Variants in ITPRID2 observed in about 807,000 individuals in gnomAD.
ITPRID2 encodes the protein ITPR interacting domain containing 2, also known as protein ITPRID2.
Under a neutral mutation model 124.3 loss-of-function variants are expected in ITPRID2, and 60 were observed. That is an observed-to-expected ratio of 0.48 (90% CI 0.39 to 0.60). The LOEUF (loss-of-function observed/expected upper bound fraction) is 0.60. ITPRID2 is among the 20% of genes least tolerant of loss of function. ITPRID2 has a pLI of 0.00. For synonymous variants in ITPRID2, 521 were observed against 542.9 expected (o/e 0.96, Z 0.56); for missense variants, 1,553 against 1,512.2 (o/e 1.03, Z -0.45).
At chr2:181,928,041 G>A (rs1694991658) in intron 16 of ITPRID2, 120 bp from the exon 17 acceptor site, 1 of 649,590 alleles carries the variant, frequency 1.5e-6, no homozygotes, top group Non-Finnish European at 2.7e-6. Context: ...TGTATTGCAG[G>A]GAGATTCACA....
rs1693507909 is a variant in ITPRID2, at chr2:181,910,405, CAATAG to C, written c.1486+435_1486+439del. On this transcript the variant is annotated intron_variant, in intron 9 of 17. Coordinates refer to ENST00000431877, the MANE Select transcript of ITPRID2 (RefSeq NM_001130445.3). The surrounding 1 kb of genome is among the most constrained non-coding windows in gnomAD (Gnocchi z 4.1). The stretch of plus-strand genomic sequence containing the variant: ...CTAGCAAAACCCACCAATTTTTTAG[CAATAG>C]TTAAAGCTAGTTAAATTCAAACTAT... The C allele has an allele frequency of 2.0e-6, 1 of 511,286 alleles. No homozygotes were observed. Among genetic ancestry groups the C allele is most frequent in the Non-Finnish European group, 3.5e-6 (1 of 286,502 alleles). 31.7% of individuals were successfully genotyped at this position (511,286 alleles called of 1,614,324 possible).
At chr2:181,917,036 G>T (rs1282701268) in intron 11 of ITPRID2, 4 of 980,050 alleles carry the variant, frequency 4.1e-6, no homozygotes, top group African/African-American at 3.5e-5. Context: ...AAAATGCTCT[G>T]TATGTCTTGT....
chr2:181,921,403 G>A (rs1282130095), intron 15 of ITPRID2, among the ~76,000 whole-genome samples: 14 of 150,988 alleles, frequency 9.3e-5, no homozygotes, highest in Admixed American at 6.6e-5. Context: ...GCTTGAACCC[G>A]GGAGGCGGAG....
Position 181,929,733 on chromosome 2 carries a change from G to A in ITPRID2, c.*186G>A. ...TAAAAAGACGTACATAGAAACTTAG[G>A]CACTTTGCTATTTCTTTTCTAAACT... On this transcript the variant is annotated 3_prime_UTR_variant, in exon 18 of 18. Transcript: ENST00000431877. The A allele has an allele frequency of 1.0e-6, 1 of 962,866 alleles. No individual in the cohort carries two copies. Among genetic ancestry groups the A allele is most frequent in the Non-Finnish European group, 1.5e-6 (1 of 668,864 alleles). The allele number at this position is 962,866 out of a possible 1,614,324, so 59.6% of individuals were successfully genotyped here.
rs946908299 is a variant in ITPRID2, at chr2:181,891,859, A to C, written c.-208A>C. ...CTCCCGCGCGCGCCCGGCCGCCTTC[A>C]TGTGAAGCGCCGGCCCTCCGCCCCT... On this transcript the variant is annotated 5_prime_UTR_variant, in exon 1 of 18. It removes an upstream start codon present in the reference 5' UTR. Coordinates refer to ENST00000431877, the MANE Select transcript of ITPRID2 (RefSeq NM_001130445.3). The C allele has an allele frequency of 1.4e-3, 484 of 334,736 alleles. 11 individuals carry two copies. The highest frequency in any genetic ancestry group is 0.012 in the South Asian group (440 of 37,672). The allele number at this position is 334,736 out of a possible 1,614,324, so 20.7% of individuals were successfully genotyped here.
At chr2:181,906,817 G>A (rs1364938358) in intron 8 of ITPRID2, among the ~76,000 whole-genome samples, 2 of 152,142 alleles carry the variant, frequency 1.3e-5, no homozygotes, top group Non-Finnish European at 1.5e-5. Context: ...TAAGTGGCAT[G>A]AATAAGACTT....
chr2:181,901,125 G>T (rs1692632074), intron 7 of ITPRID2, among the ~76,000 whole-genome samples: 1 of 152,052 alleles, frequency 6.6e-6, no homozygotes, highest in African/African-American at 2.4e-5. Context: ...CCTGACTTAA[G>T]TGCTACCATA....
chr2:181,893,781 A>G (rs556330685), intron 2 of ITPRID2: 2 of 152,334 alleles, frequency 1.3e-5, no homozygotes, highest in South Asian at 4.1e-4. Context: ...TAAGCCTTAG[A>G]TATTAGATAC....
At chr2:181,914,678 G>C (rs974601189) in intron 10 of ITPRID2, among the ~76,000 whole-genome samples, 1 of 152,134 alleles carries the variant, frequency 6.6e-6, no homozygotes, top group Non-Finnish European at 1.5e-5. Context: ...GGGTCTTTTT[G>C]TCCTTTTATA....
In ITPRID2 at chr2:181,896,128, T is replaced by A. The variant is rs910434593; in HGVS notation, c.307+49T>A. ...ATCTGTTCTTTATGACAGTTCTACT[T>A]CTTTGTCCTCTGGGTAAAAGTGTAT... On this transcript the variant is annotated intron_variant, in intron 3 of 17. Transcript: ENST00000431877. The surrounding 1 kb of genome is among the most constrained non-coding windows in gnomAD (Gnocchi z 4.3). 4 of 1,480,524 alleles carry A rather than the reference T, an allele frequency of 2.7e-6. No individual in the cohort carries two copies. Among genetic ancestry groups the A allele is most frequent in the Non-Finnish European group, 2.8e-6 (3 of 1,059,434 alleles). The allele number at this position is 1,480,524 out of a possible 1,614,324, so 91.7% of individuals were successfully genotyped here. A position where few individuals can be genotyped will look rare whatever the true frequency, so the allele number is the denominator to read the frequency against.
chr2:181,920,130 T>G (rs1313927089), intron 14 of ITPRID2, among the ~76,000 whole-genome samples: 1 of 152,196 alleles, frequency 6.6e-6, no homozygotes, highest in East Asian at 1.9e-4. Context: ...AGTGAATTAT[T>G]CTTTGTTACC....
Position 181,922,303 on chromosome 2 carries a change from G to A in ITPRID2, c.3566G>A (p.Gly1189Glu). The change falls in exon 16 of 18, where the codon GGA becomes GAA. Residue 1189 changes from glycine to glutamate, a missense_variant. Physicochemically the swap from Gly to Glu is moderately conservative, Grantham distance 98. Coordinates refer to ENST00000431877, the MANE Select transcript of ITPRID2 (RefSeq NM_001130445.3). ...DAAEGAPEVVGPKSEVEEGHG... is the reference protein window; with the variant it reads ...DAAEGAPEVVEPKSEVEEGHG... ...GCTGAAGGAGCCCCAGAAGTTGTAG[G>A]ACCTAAATCTGAAGTGGAAGAAGGG... 1 of 1,614,190 alleles carries A rather than the reference G, an allele frequency of 6.2e-7. No individual in the cohort carries two copies. The highest frequency in any genetic ancestry group is 1.3e-5 in the African/African-American group (1 of 75,030).
chr2:181,892,616 A>G lies in ITPRID2; in HGVS notation c.213A>G (p.Gly71=). ...GAQLPAAGGR[G]NVPNEKIAIW... Reference sequence around the variant, plus strand: ...GCTGTCCCCTCTCTCTACCCCCAGGAAACGTGCCCAACGAGAAGATCGCGA... The same window carrying G: ...GCTGTCCCCTCTCTCTACCCCCAGGGAACGTGCCCAACGAGAAGATCGCGA... The change falls in exon 2 of 18, where the codon GGA becomes GGG. Residue 71 remains glycine, a splice_region_variant and synonymous_variant. Transcript: ENST00000431877. This position sits in a 1 kb window ranked among gnomAD's most constrained non-coding sequence, Gnocchi z 5.2. The G allele has an allele frequency of 6.2e-7, 1 of 1,614,108 alleles. No individual in the cohort carries two copies. Among genetic ancestry groups the G allele is most frequent in the South Asian group, 1.1e-5 (1 of 91,074 alleles).
intron 16 of ITPRID2, among the ~76,000 whole-genome samples, chr2:181,923,417 A>C (rs1344809070): frequency 1.3e-5 from 2 of 152,228 alleles, no homozygotes; most frequent in South Asian, 4.1e-4. Flanking sequence ...TATTTTCATG[A>C]TATGACTCTA....
At position 181,927,246 on chromosome 2, in the gene ITPRID2, C is replaced by G. The variant is rs116300527; in HGVS notation, c.3676-915C>G. 3.8e-3 allele frequency among the ~76,000 whole-genome samples: 578 copies of G among 152,242 alleles called. 7 individuals carry two copies. The highest frequency in any genetic ancestry group is 0.013 in the African/African-American group (551 of 41,536). On this transcript the variant is annotated intron_variant, in intron 16 of 17. Coordinates refer to ENST00000431877, the MANE Select transcript of ITPRID2 (RefSeq NM_001130445.3). ...ATAAATCAATTTGGCTGACAGGAAA[C>G]TGGAAATGTAGAATTTTTAAAAGCT...
Position 181,892,251 on chromosome 2 carries a change from C to A in ITPRID2, c.185C>A (p.Ala62Glu). Residue 62 changes from alanine to glutamate, a missense_variant, in exon 1 of 18, where the codon GCG becomes GAG. Coordinates refer to ENST00000431877, the MANE Select transcript of ITPRID2 (RefSeq NM_001130445.3). This position sits in a 1 kb window ranked among gnomAD's most constrained non-coding sequence, Gnocchi z 5.2. ...GACGAGGAGGAGGACCTCCCCGGCG[C>A]GCAGCTGCCGGCAGCGGGGGGAAGA... ...EEDEEEDLPG[A>E]QLPAAGGRGN... The A allele has an allele frequency of 6.5e-7, 1 of 1,548,780 alleles. No homozygotes were observed. The highest frequency in any genetic ancestry group is 2.4e-5 in the East Asian group (1 of 40,884).
intron 8 of ITPRID2, among the ~76,000 whole-genome samples, chr2:181,909,336 T>C (rs1440015161): frequency 6.6e-6 from 1 of 152,198 alleles, no homozygotes; most frequent in Non-Finnish European, 1.5e-5. Context: ...GTGGTAGCAC[T>C]GTGTTCTATT....
At chr2:181,914,468 G>C (rs553154051) in intron 10 of ITPRID2, among the ~76,000 whole-genome samples, 1 of 152,182 alleles carries the variant, frequency 6.6e-6, no homozygotes, top group South Asian at 2.1e-4. Context: ...AAGAAAATTG[G>C]GATGAGAAAA....
rs1693827132 is a variant in ITPRID2, at chr2:181,913,909, C to G, written c.1551C>G (p.Asp517Glu). ...GTGGTTTTGCTGAAGATTCTACAGA[C>G]TGCCTATCCCTTAATCATCTTCAGG... ...DSSGFAEDST[D>E]CLSLNHLQVQ... Residue 517 changes from aspartate (D) to glutamate (E), a missense_variant, in exon 10 of 18, where the codon GAC (aspartate) becomes GAG (glutamate). Coordinates refer to ENST00000431877, the MANE Select transcript of ITPRID2 (RefSeq NM_001130445.3). 6.2e-7 allele frequency: 1 copy of G among 1,613,000 alleles called. No homozygotes were observed. The highest frequency in any genetic ancestry group is 1.3e-5 in the African/African-American group (1 of 74,930).
Sources: allele counts gnomAD v4.1 joint callset (sites outside exome capture counted in the v4.1 genomes callset), GRCh38; gene constraint gnomAD v4.1.1; non-coding constraint Gnocchi (gnomAD v3.1); transcripts MANE v1.5; gene names NCBI Gene and HGNC (gene_info 2026-07-23, HGNC 2026-07-21).